Variants in PDGFC observed in about 807,000 individuals in gnomAD.
PDGFC encodes the protein platelet-derived growth factor C.
In PDGFC, 12 loss-of-function variants were observed where a neutral mutation model predicts 35.5. The observed-to-expected ratio is 0.34, with a 90% confidence interval of 0.22 to 0.55. PDGFC has a LOEUF of 0.55. Among genes scored for constraint, PDGFC ranks in the 20% least tolerant of loss-of-function variants. The pLI is 0.91. For missense variants in PDGFC, 322 were observed against 412.4 expected, an observed-to-expected ratio of 0.78 and a Z score of 1.90; for synonymous variants, 159 against 148.8, an observed-to-expected ratio of 1.07 and a Z score of -0.50.
At chr4:156,886,687 G>T (rs772571837) in intron 1 of PDGFC, 4 of 152,166 alleles carry the variant, frequency 2.6e-5, no homozygotes, top group African/African-American at 9.7e-5. Context: ...AGAATCATAA[G>T]ATCTGACTGT....
intron 1 of PDGFC, among the ~76,000 whole-genome samples, chr4:156,898,440 G>T (rs754720814): frequency 2.0e-5 from 3 of 152,162 alleles, no homozygotes; most frequent in Non-Finnish European, 4.4e-5. Flanking sequence ...GCCTATAAGT[G>T]AGAATAAAAT....
chr4:156,828,774 T>C (rs1013579251), intron 2 of PDGFC, among the ~76,000 whole-genome samples: 5 of 152,152 alleles, frequency 3.3e-5, no homozygotes, highest in Admixed American at 1.3e-4. Flanking sequence ...CTAAGTAAGC[T>C]TGTATATACT....
chr4:156,798,581 C>T (rs1005567984), intron 3 of PDGFC, among the ~76,000 whole-genome samples: 4 of 151,944 alleles, frequency 2.6e-5, no homozygotes, highest in African/African-American at 7.3e-5. Context: ...GATTAGGATA[C>T]CACAAAACAT....
At chr4:156,946,402 A>C (rs1731948333) in intron 1 of PDGFC, among the ~76,000 whole-genome samples, 1 of 152,108 alleles carries the variant, frequency 6.6e-6, no homozygotes, top group South Asian at 2.1e-4. Flanking sequence ...TTCATCCAAG[A>C]TGATTTCATT....
intron 1 of PDGFC, among the ~76,000 whole-genome samples, chr4:156,956,220 G>A (rs1021030264): frequency 1.3e-5 from 2 of 152,026 alleles, no homozygotes; most frequent in African/African-American, 4.8e-5. Context: ...GATCTCTGGG[G>A]TGAGCAGAGG....
chr4:156,818,055 G>A (rs1455754309), intron 2 of PDGFC, among the ~76,000 whole-genome samples: 9 of 135,456 alleles, frequency 6.6e-5, no homozygotes, highest in African/African-American at 2.1e-4. Context: ...GCAATACTCC[G>A]TCTTAAAAAA....
Position 156,771,110 on chromosome 4 carries a change from G to T in PDGFC, c.703+1576C>A, listed in dbSNP as rs193266533. Among the ~76,000 whole-genome samples, 366 of 152,196 alleles carry T rather than the reference G, an allele frequency of 2.4e-3. 2 individuals carry two copies. The highest frequency in any genetic ancestry group is 8.4e-3 in the African/African-American group (347 of 41,538). On this transcript the variant is annotated intron_variant, in intron 4 of 5. Coordinates refer to ENST00000502773, the MANE Select transcript of PDGFC (RefSeq NM_016205.3). Reference sequence around the variant, plus strand: ...TTAATAAATTTGGAAAACTGCAAAGGGCTTCAATTTTGAAAGTGTTAAATG... The same window carrying T: ...TTAATAAATTTGGAAAACTGCAAAGTGCTTCAATTTTGAAAGTGTTAAATG...
chr4:156,960,485 A>G lies in PDGFC; in HGVS notation c.118+10301T>C, dbSNP rs1318706997. Among the ~76,000 whole-genome samples, 3 of 150,896 alleles carry G rather than the reference A, an allele frequency of 2.0e-5. No homozygotes were observed. In the East Asian group the frequency reaches 5.9e-4, roughly 30 times the overall value. On this transcript the variant is annotated intron_variant, in intron 1 of 5. Transcript: ENST00000502773. ...CACGTGTGTGTGTGTATATCTATAT[A>G]TGTGTGTGTTCTTTTTCATTTATAG...
intron 1 of PDGFC, among the ~76,000 whole-genome samples, chr4:156,932,970 G>C (rs1560879540): frequency 6.6e-6 from 1 of 151,926 alleles, no homozygotes; most frequent in Non-Finnish European, 1.5e-5. Context: ...CAAAAGTATG[G>C]GATGAAAGTT....
chr4:156,865,527 C>A (rs1441793363), intron 1 of PDGFC, among the ~76,000 whole-genome samples: 1 of 152,038 alleles, frequency 6.6e-6, no homozygotes, highest in Non-Finnish European at 1.5e-5. Flanking sequence ...AAGCTGTTAA[C>A]AATTTGGGGC....
At chr4:156,803,217 C>T (rs951887347) in intron 3 of PDGFC, among the ~76,000 whole-genome samples, 14 of 152,186 alleles carry the variant, frequency 9.2e-5, no homozygotes, top group Middle Eastern at 3.4e-3. Flanking sequence ...AGGAGATTTA[C>T]ACAATCTGAG....
intron 2 of PDGFC, among the ~76,000 whole-genome samples, chr4:156,822,356 CAAAAAAAA>C (rs397878245): frequency 4.3e-5 from 3 of 70,298 alleles, no homozygotes; most frequent in East Asian, 5.0e-4. Flanking sequence ...GAAACTGTCT[CAAAAAAAA>C]AAAAAAAAAA....
intron 2 of PDGFC, among the ~76,000 whole-genome samples, chr4:156,826,497 A>T (rs1313786483): frequency 1.3e-5 from 2 of 151,896 alleles, no homozygotes; most frequent in Non-Finnish European, 2.9e-5. Flanking sequence ...CCACCATGCC[A>T]TTGTAATTTT....
At chr4:156,791,969 C>T (rs931782127) in intron 3 of PDGFC, among the ~76,000 whole-genome samples, 7 of 152,136 alleles carry the variant, frequency 4.6e-5, no homozygotes, top group African/African-American at 1.4e-4. Context: ...AGCCTGGAAA[C>T]TTTGATATAT....
intron 1 of PDGFC, among the ~76,000 whole-genome samples, chr4:156,864,283 A>T (rs1729783174): frequency 6.6e-6 from 1 of 152,180 alleles, no homozygotes. Flanking sequence ...CTACAAAAAG[A>T]CACCAGCAAC....
At chr4:156,903,021 CA>C (rs926069433) in intron 1 of PDGFC, among the ~76,000 whole-genome samples, 112 of 151,234 alleles carry the variant, frequency 7.4e-4, no homozygotes, top group African/African-American at 2.5e-3. Flanking sequence ...AAAGTCATGT[CA>C]AATAAATTCC....
chr4:156,895,466 T>A (rs1490793830), intron 1 of PDGFC, among the ~76,000 whole-genome samples: 5 of 152,042 alleles, frequency 3.3e-5, no homozygotes, highest in Admixed American at 1.3e-4. Context: ...ACCCCATCTC[T>A]ACTGAAAATA....
At chr4:156,941,649 A>G (rs1731808216) in intron 1 of PDGFC, among the ~76,000 whole-genome samples, 1 of 152,182 alleles carries the variant, frequency 6.6e-6, no homozygotes, top group East Asian at 1.9e-4. Context: ...GTTTCCAAAC[A>G]CTACCCACTC....
chr4:156,763,867 A>G (rs1474404085), intron 5 of PDGFC, among the ~76,000 whole-genome samples: 1 of 152,228 alleles, frequency 6.6e-6, no homozygotes, highest in Admixed American at 6.5e-5. Context: ...CTATTAAATA[A>G]AGTTATCTGC....
Sources: gnomAD v4.1 joint callset for allele counts (sites outside exome capture counted in the v4.1 genomes callset) on GRCh38, gnomAD v4.1.1 for gene constraint, MANE v1.5 for transcripts, NCBI Gene and HGNC (gene_info 2026-07-23, HGNC 2026-07-21) for gene names.